Variants in FGGY observed in about 807,000 individuals in gnomAD.
FGGY encodes FGGY carbohydrate kinase domain-containing protein.
FGGY carries 72 observed loss-of-function variants against 71.3 expected under a neutral mutation model. The ratio of observed to expected loss-of-function variants is 1.01; its 90% CI spans 0.84 to 1.23. FGGY has a LOEUF of 1.23. FGGY is among the 50% of genes most tolerant of loss of function. FGGY has a pLI of 0.00. For missense variants in FGGY, 668 were observed against 682.3 expected (o/e 0.98, Z 0.23); for synonymous variants, 251 against 250.3 (o/e 1.00, Z -0.02).
chr1:59,583,798 AAG>A (rs1287369230), intron 8 of FGGY, among the ~76,000 whole-genome samples: 4 of 142,360 alleles, frequency 2.8e-5, no homozygotes, highest in Non-Finnish European at 6.0e-5. Context: ...AAAGATGTCA[AAG>A]AGAGTGAGGA....
chr1:59,515,227 G>T (rs1283568240), intron 7 of FGGY, among the ~76,000 whole-genome samples: 2 of 152,126 alleles, frequency 1.3e-5, no homozygotes, highest in African/African-American at 4.8e-5. Context: ...AAATTTGATT[G>T]CCTTGCTGGA....
intron 7 of FGGY, among the ~76,000 whole-genome samples, chr1:59,536,702 G>A (rs1453926922): frequency 6.6e-6 from 1 of 151,894 alleles, no homozygotes; most frequent in Non-Finnish European, 1.5e-5. Flanking sequence ...GTTCAATATA[G>A]GTAAATCAAA....
At chr1:59,664,334 G>T (rs898280771) in intron 12 of FGGY, among the ~76,000 whole-genome samples, 52 of 152,224 alleles carry the variant, frequency 3.4e-4, no homozygotes, top group Admixed American at 3.2e-3. Flanking sequence ...GAAAGGGAAG[G>T]TCCTCTAAGG....
chr1:59,626,889 GA>G (rs1414180907), intron 10 of FGGY: 1 of 151,998 alleles, frequency 6.6e-6, no homozygotes, highest in Non-Finnish European at 1.5e-5. Context: ...GTTTAAACCA[GA>G]AAATAATAAG....
At chr1:59,332,678 C>A (rs1388675140) in intron 2 of FGGY, among the ~76,000 whole-genome samples, 1 of 152,102 alleles carries the variant, frequency 6.6e-6, no homozygotes, top group East Asian at 1.9e-4. Flanking sequence ...GACTGAAGGC[C>A]ATGATTGTAA....
At chr1:59,729,718 G>A (rs1367341063) in intron 14 of FGGY, among the ~76,000 whole-genome samples, 1 of 152,126 alleles carries the variant, frequency 6.6e-6, no homozygotes, top group Admixed American at 6.6e-5. Flanking sequence ...TATGGGGAAG[G>A]AAAAGCATTC....
At chr1:59,574,035 A>G (rs1451879995) in intron 8 of FGGY, among the ~76,000 whole-genome samples, 4 of 152,156 alleles carry the variant, frequency 2.6e-5, no homozygotes, top group Non-Finnish European at 5.9e-5. Flanking sequence ...AAAATATCTC[A>G]AACTCTTTGT....
intron 6 of FGGY, among the ~76,000 whole-genome samples, chr1:59,500,235 A>G (rs1489653907): frequency 6.6e-6 from 1 of 152,206 alleles, no homozygotes. Context: ...TTCCTTTTAT[A>G]AACTTGATAT....
chr1:59,452,080 CTTT>C (rs72244659), intron 5 of FGGY, among the ~76,000 whole-genome samples: 2 of 142,340 alleles, frequency 1.4e-5, no homozygotes, highest in Admixed American at 7.1e-5. Context: ...TTGTTCTTTT[CTTT>C]TTTTTTTTTT....
At position 59,621,459 on chromosome 1, in the gene FGGY, C is replaced by CAAAA. The variant is rs56172542; in HGVS notation, c.1012-4511_1012-4508dup. Among the ~76,000 whole-genome samples the CAAAA allele has an allele frequency of 8.9e-4, 88 of 98,462 alleles. 1 individual carries two copies. The highest frequency in any genetic ancestry group is 2.0e-3 in the South Asian group (5 of 2,460). The allele number at this position is 98,462 out of a possible 152,430, so 64.6% of individuals were successfully genotyped here. On this transcript the variant is annotated intron_variant, in intron 9 of 15. Coordinates refer to ENST00000303721, the MANE Select transcript of FGGY (RefSeq NM_018291.5). ...AAAGAACTTGTCTTAGCCTCCGTCT[C>CAAAA]AAAAAAAAAAAAAAAAAAAAAGAAC...
intron 11 of FGGY, among the ~76,000 whole-genome samples, chr1:59,647,203 A>G (rs574416243): frequency 1.4e-4 from 22 of 152,324 alleles, no homozygotes; most frequent in African/African-American, 5.3e-4. Flanking sequence ...TGGTGTGCAG[A>G]CCCAAGACAG....
chr1:59,546,534 TGATTA>T (rs2095527609), intron 7 of FGGY, among the ~76,000 whole-genome samples: 2 of 139,154 alleles, frequency 1.4e-5, no homozygotes, highest in Admixed American at 1.4e-4. Flanking sequence ...ATGATGATGA[TGATTA>T]TTATTATTAT....
At chr1:59,520,740 A>T (rs1296879605) in intron 7 of FGGY, among the ~76,000 whole-genome samples, 4 of 152,220 alleles carry the variant, frequency 2.6e-5, no homozygotes, top group Admixed American at 2.6e-4. Flanking sequence ...CTTTAAGAAA[A>T]TATAGATTCC....
intron 6 of FGGY, among the ~76,000 whole-genome samples, chr1:59,506,851 A>C (rs1295536428): frequency 5.9e-5 from 9 of 152,150 alleles, no homozygotes; most frequent in Admixed American, 5.9e-4. Flanking sequence ...GAGAAAAAAG[A>C]AAAAAAGGAA....
At chr1:59,595,500 C>T (rs573867019) in intron 8 of FGGY, among the ~76,000 whole-genome samples, 1 of 152,090 alleles carries the variant, frequency 6.6e-6, no homozygotes. Context: ...ACCAGCCTAG[C>T]CAATATGGCG....
intron 14 of FGGY, among the ~76,000 whole-genome samples, chr1:59,717,981 C>T (rs975410079): frequency 1.1e-4 from 17 of 152,160 alleles, no homozygotes; most frequent in Admixed American, 8.5e-4. Flanking sequence ...TTAAGTAACA[C>T]ACCTATGGTC....
intron 8 of FGGY, among the ~76,000 whole-genome samples, chr1:59,587,295 C>T (rs2096317300): frequency 6.6e-6 from 1 of 152,060 alleles, no homozygotes; most frequent in Admixed American, 6.6e-5. Flanking sequence ...AGCCTGGAAG[C>T]TCGAACTGGG....
chr1:59,624,207 A>G (rs1051325758), intron 9 of FGGY, among the ~76,000 whole-genome samples: 1 of 152,174 alleles, frequency 6.6e-6, no homozygotes, highest in East Asian at 1.9e-4. Context: ...ATGGTATTCA[A>G]CAACGTATAC....
chr1:59,629,866 G>T (rs2153862289), intron 10 of FGGY, among the ~76,000 whole-genome samples: 1 of 152,254 alleles, frequency 6.6e-6, no homozygotes, highest in African/African-American at 2.4e-5. Flanking sequence ...TTTAGAAGAG[G>T]TAATATATTT....
Sources: gnomAD v4.1 joint callset for allele counts (sites outside exome capture counted in the v4.1 genomes callset) on GRCh38, gnomAD v4.1.1 for gene constraint, MANE v1.5 for transcripts, NCBI Gene and HGNC (gene_info 2026-07-23, HGNC 2026-07-21) for gene names.